The following ZNF431 variants were observed in gnomAD, a reference collection of about 807,000 sequenced individuals.
ZNF431 encodes zinc finger protein 431.
A neutral mutation model predicts 57.0 loss-of-function variants in ZNF431; 34 were observed. The ratio of observed to expected loss-of-function variants is 0.60; its 90% CI spans 0.45 to 0.79. The LOEUF is 0.79. Among genes scored for constraint, ZNF431 ranks in the 30% least tolerant of loss-of-function variants. The probability of loss-of-function intolerance (pLI) is 0.00; values close to 1 mark genes in which losing one functional copy is unlikely to be tolerated. For missense variants in ZNF431, 607 were observed against 667.1 expected, an observed-to-expected ratio of 0.91 and a Z score of 0.99; for synonymous variants, 207 against 220.3, an observed-to-expected ratio of 0.94 and a Z score of 0.54.
rs1377841155 is a variant in ZNF431 at position 21,188,348 on chromosome 19, T to C, written c.*4314T>C. On this transcript the variant is annotated 3_prime_UTR_variant, in exon 5 of 5. Transcript: ENST00000311048. Reference sequence around the variant, plus strand: ...TTTGTTTTTAAAAGAAAAATCTTACTAGATTCTTATACAAAGTGTGGCAAA... The same window carrying C: ...TTTGTTTTTAAAAGAAAAATCTTACCAGATTCTTATACAAAGTGTGGCAAA... 1.3e-5 allele frequency: 2 copies of C among 152,092 alleles called. No individual in the cohort carries two copies. The highest frequency in any genetic ancestry group is 2.4e-5 in the African/African-American group (1 of 41,422). The allele number at this position is 152,092 out of a possible 1,614,324, so 9.4% of individuals were successfully genotyped here. A position where few individuals can be genotyped will look rare whatever the true frequency, so the allele number is the denominator to read the frequency against.
chr19:21,148,917 G>A (rs1239072505), intron 2 of ZNF431, among the ~76,000 whole-genome samples: 2 of 152,198 alleles, frequency 1.3e-5, no homozygotes, highest in African/African-American at 2.4e-5. Context: ...AAGTTGTACA[G>A]TGAACAGTCA....
At chr19:21,170,075 A>C (rs1970839220) in intron 4 of ZNF431, among the ~76,000 whole-genome samples, 2 of 152,002 alleles carry the variant, frequency 1.3e-5, no homozygotes, top group African/African-American at 4.8e-5. Context: ...GTAATTTCCC[A>C]CACGAATAAG....
intron 2 of ZNF431, among the ~76,000 whole-genome samples, chr19:21,163,485 A>T (rs1970633144): frequency 6.6e-6 from 1 of 152,210 alleles, no homozygotes; most frequent in Non-Finnish European, 1.5e-5. Flanking sequence ...CCAAACCTGC[A>T]GATTCACATT....
chr19:21,153,792 C>T (rs146557577), intron 2 of ZNF431, among the ~76,000 whole-genome samples: 34 of 152,296 alleles, frequency 2.2e-4, no homozygotes, highest in African/African-American at 7.9e-4. Flanking sequence ...TCTTGGCTCA[C>T]CGCAACCTCT....
At chr19:21,155,488 T>C (rs191779023) in intron 2 of ZNF431, among the ~76,000 whole-genome samples, 1 of 152,362 alleles carries the variant, frequency 6.6e-6, no homozygotes, top group East Asian at 1.9e-4. Flanking sequence ...GGCTTAGGAT[T>C]GACTTGGCAA....
rs1339106999 is a variant in ZNF431, at chr19:21,166,332, C to T, written c.97-3C>T. The stretch of plus-strand genomic sequence containing the variant: ...TGTGTGTCTCTGTGCTTGTGTTTTT[C>T]AGGAGACATTGACATTTAGGGATGT... On this transcript the variant is annotated splice_region_variant and splice_polypyrimidine_tract_variant and intron_variant, in intron 2 of 4. Transcript: ENST00000311048. The T allele has an allele frequency of 1.9e-6, 3 of 1,612,296 alleles. No homozygotes were observed. In the Admixed American group the frequency reaches 5.0e-5, roughly 27 times the overall value.
intron 2 of ZNF431, among the ~76,000 whole-genome samples, chr19:21,150,682 A>G (rs1599578159): frequency 6.6e-6 from 1 of 152,330 alleles, no homozygotes; most frequent in East Asian, 1.9e-4. Flanking sequence ...GGATACCTCC[A>G]TATTTCCTAG....
chr19:21,190,619 TG>T lies in ZNF431; in HGVS notation c.*6586del, dbSNP rs1971490080. 1 of 151,998 alleles carries T rather than the reference TG, an allele frequency of 6.6e-6. No individual in the cohort carries two copies. The highest frequency in any genetic ancestry group is 2.1e-4 in the South Asian group (1 of 4,834). 9.4% of individuals were successfully genotyped at this position (151,998 alleles called of 1,614,324 possible). A position where few individuals can be genotyped will look rare whatever the true frequency, so the allele number is the denominator to read the frequency against. The stretch of plus-strand genomic sequence containing the variant: ...TTTAAAAATATATCCGTTGGACATA[TG>T]TATGACTTTTCTTGAAAAATATTTA... On this transcript the variant is annotated 3_prime_UTR_variant, in exon 5 of 5. Transcript: ENST00000311048.
chr19:21,175,796 G>A (rs1174437367), intron 4 of ZNF431, among the ~76,000 whole-genome samples: 1 of 152,154 alleles, frequency 6.6e-6, no homozygotes, highest in African/African-American at 2.4e-5. Context: ...TGGTGCATAT[G>A]TACCACATTT....
At chr19:21,182,472 A>C in intron 4 of ZNF431, 151 bp from the exon 5 acceptor site, 1 of 897,490 alleles carries the variant, frequency 1.1e-6, no homozygotes, top group South Asian at 2.3e-5. Context: ...GTATATTTTT[A>C]TTAGATTTAT....
At chr19:21,172,225 TC>T (rs1455776590) in intron 4 of ZNF431, among the ~76,000 whole-genome samples, 1 of 151,240 alleles carries the variant, frequency 6.6e-6, no homozygotes, top group Non-Finnish European at 1.5e-5. Flanking sequence ...GGTCAGGAGC[TC>T]CAGACCAGCC....
chr19:21,183,037 C>G lies in ZNF431; in HGVS notation c.734C>G (p.Ser245Ter). 6.2e-7 allele frequency: 1 copy of G among 1,614,082 alleles called. No individual in the cohort carries two copies. Among genetic ancestry groups the G allele is most frequent in the Non-Finnish European group, 8.5e-7 (1 of 1,179,964 alleles). Residue 245 changes from serine to a stop codon, truncating the protein, a stop_gained, in exon 5 of 5, where the codon TCA becomes TGA. Coordinates refer to ENST00000311048, the MANE Select transcript of ZNF431 (RefSeq NM_133473.4). LOFTEE classifies it high-confidence loss of function. The part of the protein sequence containing the change: ...EECGKAFKWF[S>*]TLTRHKRIHT... ...TGTGGCAAAGCTTTTAAATGGTTCTCAACCCTTACTAGACACAAGAGAATT... is the reference window on the plus strand; with the variant it reads ...TGTGGCAAAGCTTTTAAATGGTTCTGAACCCTTACTAGACACAAGAGAATT...
rs1488134063 is a variant in ZNF431 at position 21,193,142 on chromosome 19, CAT to C, written c.*9112_*9113del. On this transcript the variant is annotated 3_prime_UTR_variant, in exon 5 of 5. Coordinates refer to ENST00000311048, the MANE Select transcript of ZNF431 (RefSeq NM_133473.4). ...ATAAAATCACAGCCGAATTTTAACA[CAT>C]ATACAGAGATGAGCTGGTATTACTT... The C allele has an allele frequency of 5.3e-5, 8 of 152,208 alleles. No individual in the cohort carries two copies. Among genetic ancestry groups the C allele is most frequent in the African/African-American group, 1.9e-4 (8 of 41,444 alleles). The allele number at this position is 152,208 out of a possible 1,614,324, so 9.4% of individuals were successfully genotyped here. A position where few individuals can be genotyped will look rare whatever the true frequency, so the allele number is the denominator to read the frequency against.
chr19:21,152,555 G>A (rs1226479208), intron 2 of ZNF431, among the ~76,000 whole-genome samples: 3 of 152,132 alleles, frequency 2.0e-5, no homozygotes, highest in Non-Finnish European at 2.9e-5. Context: ...TAGCTGAGAC[G>A]GATTTTACTG....
chr19:21,143,232 T>A (rs571361398), intron 1 of ZNF431, among the ~76,000 whole-genome samples: 5 of 152,294 alleles, frequency 3.3e-5, no homozygotes, highest in African/African-American at 4.8e-5. Flanking sequence ...AAAAGTTTTT[T>A]AAAAGATTTT....
At position 21,186,855 on chromosome 19, in the gene ZNF431, GTTCTT is replaced by G. The variant is rs1355837855; in HGVS notation, c.*2824_*2828del. 4 of 152,038 alleles carry G rather than the reference GTTCTT, an allele frequency of 2.6e-5. No homozygotes were observed. Among genetic ancestry groups the G allele is most frequent in the Non-Finnish European group, 5.9e-5 (4 of 67,996 alleles). 9.4% of individuals were successfully genotyped at this position (152,038 alleles called of 1,614,324 possible). ...TTATTTAGTTAGAGCACTCCATTTT[GTTCTT>G]TTAAGAGGAGAACAATATATAGGTT... On this transcript the variant is annotated 3_prime_UTR_variant, in exon 5 of 5. Transcript: ENST00000311048.
chr19:21,167,589 A>G lies in ZNF431; in HGVS notation c.242A>G (p.Gln81Arg). ...LVFLGVAVSK[Q>R]DPVTCLEQEK... is the part of the protein sequence containing the mutation. Reference sequence around the variant, plus strand: ...AAAGCAGGTGTTGCTGTCTCTAAGCAAGACCCAGTCACCTGTCTGGAGCAA... The same window carrying G: ...AAAGCAGGTGTTGCTGTCTCTAAGCGAGACCCAGTCACCTGTCTGGAGCAA... The change falls in exon 4 of 5, where the codon CAA becomes CGA. Residue 81 changes from glutamine to arginine, a missense_variant. Gln to Arg is a conservative substitution (Grantham distance 43, BLOSUM62 1). Coordinates refer to ENST00000311048, the MANE Select transcript of ZNF431 (RefSeq NM_133473.4). The G allele has an allele frequency of 1.3e-6, 2 of 1,578,342 alleles. No homozygotes were observed. Among genetic ancestry groups the G allele is most frequent in the Non-Finnish European group, 8.6e-7 (1 of 1,163,814 alleles).
chr19:21,180,839 C>T (rs952199138), intron 4 of ZNF431, among the ~76,000 whole-genome samples: 12 of 151,364 alleles, frequency 7.9e-5, no homozygotes, highest in African/African-American at 2.7e-4. Context: ...CCCAGCTACT[C>T]GGGAGGCTGA....
At chr19:21,167,817 C>T (rs1970765381) in intron 4 of ZNF431, 151 bp downstream of exon 4, 1 of 387,932 alleles carries the variant, frequency 2.6e-6, no homozygotes, top group Non-Finnish European at 4.6e-6. Context: ...AAAATTTTTT[C>T]TTACATAGGG....
Sources: gnomAD v4.1 joint callset for allele counts (sites outside exome capture counted in the v4.1 genomes callset) on GRCh38, gnomAD v4.1.1 for gene constraint, MANE v1.5 for transcripts, NCBI Gene and HGNC (gene_info 2026-07-23, HGNC 2026-07-21) for gene names.